The following COL28A1 variants were observed in gnomAD, a reference collection of about 807,000 sequenced individuals.
The protein encoded by COL28A1 is collagen type XXVIII alpha 1 chain.
In COL28A1, 161 loss-of-function variants were observed where a neutral mutation model predicts 150.2. That is an observed-to-expected ratio of 1.07 (90% CI 0.94 to 1.22). The LOEUF (loss-of-function observed/expected upper bound fraction) is 1.22, where lower values mean the gene tolerates loss of function less well. Ranked by LOEUF, COL28A1 falls within the 50% of genes most tolerant of loss-of-function variation. The probability of loss-of-function intolerance (pLI) is 0.00; values close to 1 mark genes in which losing one functional copy is unlikely to be tolerated. For synonymous variants in COL28A1, 552 were observed against 469.7 expected, an observed-to-expected ratio of 1.18 and a Z score of -2.26; for missense variants, 1,617 against 1,388.3, an observed-to-expected ratio of 1.16 and a Z score of -2.62.
At chr7:7,502,212 T>C (rs1301851921) in intron 11 of COL28A1, among the ~76,000 whole-genome samples, 1 of 152,192 alleles carries the variant, frequency 6.6e-6, no homozygotes, top group South Asian at 2.1e-4. Flanking sequence ...GATGTTCTTA[T>C]GAATGCCACA....
intron 23 of COL28A1, among the ~76,000 whole-genome samples, chr7:7,433,364 G>A (rs541539959): frequency 3.9e-5 from 6 of 152,184 alleles, no homozygotes; most frequent in African/African-American, 9.6e-5. Context: ...GGCCGGGTGC[G>A]GTGGCTCACG....
At chr7:7,407,172 A>G (rs574748786) in intron 27 of COL28A1, among the ~76,000 whole-genome samples, 14 of 152,022 alleles carry the variant, frequency 9.2e-5, no homozygotes, top group Admixed American at 1.3e-4. Flanking sequence ...TATAAAAAAG[A>G]TATGTATAGA....
At position 7,443,660 on chromosome 7, in the gene COL28A1, A is replaced by T; in HGVS notation, c.1582-7T>A. On this transcript the variant is annotated splice_region_variant and splice_polypyrimidine_tract_variant and intron_variant, in intron 19 of 34. Transcript: ENST00000399429. ...CCGGAAGCCCCGCTTCTCCCTAGAGAAAATGACACTGATGTGTTAGCTGAC... is the reference window on the plus strand; with the variant it reads ...CCGGAAGCCCCGCTTCTCCCTAGAGTAAATGACACTGATGTGTTAGCTGAC... 1 of 1,613,996 alleles carries T rather than the reference A, an allele frequency of 6.2e-7. No individual in the cohort carries two copies. The highest frequency in any genetic ancestry group is 1.6e-4 in the Middle Eastern group (1 of 6,062).
chr7:7,515,926 A>T, intron 7 of COL28A1, 86 bp from the exon 8 acceptor site: 1 of 756,542 alleles, frequency 1.3e-6, no homozygotes. Context: ...ATTACAAGGT[A>T]TAACAAAAAC....
intron 27 of COL28A1, among the ~76,000 whole-genome samples, chr7:7,410,626 G>A (rs73674531): frequency 0.015 from 2,202 of 149,152 alleles, 51 homozygotes; most frequent in African/African-American, 0.052. Context: ...CTACTACCAA[G>A]ATTGGTTTTG....
chr7:7,522,934 C>T (rs1781817355), intron 4 of COL28A1, among the ~76,000 whole-genome samples: 1 of 151,176 alleles, frequency 6.6e-6, no homozygotes, highest in African/African-American at 2.4e-5. Flanking sequence ...CTGTGGGCCG[C>T]GAGTTGGACA....
chr7:7,488,730 T>G (rs1779756950), intron 13 of COL28A1, among the ~76,000 whole-genome samples: 1 of 152,190 alleles, frequency 6.6e-6, no homozygotes, highest in Non-Finnish European at 1.5e-5. Context: ...ATGAGCCAAG[T>G]CCTTATTCTC....
intron 4 of COL28A1, among the ~76,000 whole-genome samples, chr7:7,523,716 C>G (rs1781869550): frequency 6.6e-6 from 1 of 152,150 alleles, no homozygotes; most frequent in Non-Finnish European, 1.5e-5. Context: ...CTCGTCCAAT[C>G]TTATTGGCCA....
intron 15 of COL28A1, among the ~76,000 whole-genome samples, chr7:7,461,592 G>A (rs74296247): frequency 1.3e-5 from 2 of 152,230 alleles, no homozygotes; most frequent in East Asian, 3.9e-4. Context: ...CTGGAGCTAG[G>A]TTAGGACTAT....
chr7:7,437,426 C>T lies in COL28A1; in HGVS notation c.1759G>A (p.Gly587Arg), dbSNP rs1242418810. Reference protein sequence around the residue: ...PGIMGPFGMPGTSIPGPPGPK... With the variant: ...PGIMGPFGMPRTSIPGPPGPK... ...CCAGGTGGTCCAGGAATTGATGTTC[C>T]AGGCATTCCAAAAGGGCCCATAATG... The change falls in exon 22 of 35, where the codon GGA becomes AGA. Residue 587 changes from glycine to arginine, a missense_variant. Gly to Arg is a moderately radical substitution (Grantham distance 125). Transcript: ENST00000399429. The T allele has an allele frequency of 1.2e-6, 2 of 1,613,362 alleles. No homozygotes were observed. Among genetic ancestry groups the T allele is most frequent in the Non-Finnish European group, 1.7e-6 (2 of 1,179,842 alleles).
In COL28A1 at chr7:7,375,459, A is replaced by T; in HGVS notation, c.2359+2T>A. 8 of 1,576,514 alleles carry T rather than the reference A, an allele frequency of 5.1e-6. No individual in the cohort carries two copies. The highest frequency in any genetic ancestry group is 6.1e-6 in the Non-Finnish European group (7 of 1,153,468). ...GATGTTTTTTCCTTGATCAAATCTTACCACATATTTCTGTAATAAGTTTGA... is the reference window on the plus strand; with the variant it reads ...GATGTTTTTTCCTTGATCAAATCTTTCCACATATTTCTGTAATAAGTTTGA... On this transcript the variant is annotated splice_donor_variant, in intron 31 of 34. Transcript: ENST00000399429. LOFTEE classifies it high-confidence loss of function.
chr7:7,355,078 T>G (rs1205012187), downstream of COL28A1, among the ~76,000 whole-genome samples: 1 of 152,140 alleles, frequency 6.6e-6, no homozygotes, highest in Non-Finnish European at 1.5e-5. Context: ...TAAATTGGAC[T>G]GCATTAAAAT....
chr7:7,414,162 A>G (rs1412623782), intron 27 of COL28A1, among the ~76,000 whole-genome samples: 1 of 152,184 alleles, frequency 6.6e-6, no homozygotes. Flanking sequence ...CTGGCCTCAC[A>G]ATGGCTACTT....
intron 33 of COL28A1, among the ~76,000 whole-genome samples, chr7:7,370,454 T>G (rs527797557): frequency 6.6e-6 from 1 of 152,316 alleles, no homozygotes; most frequent in South Asian, 2.1e-4. Flanking sequence ...ACATGGTTAC[T>G]TTGATGGTAA....
chr7:7,438,324 A>T (rs1047883640), intron 21 of COL28A1, among the ~76,000 whole-genome samples: 11 of 152,112 alleles, frequency 7.2e-5, no homozygotes, highest in African/African-American at 2.7e-4. Flanking sequence ...AGTGGGGGAG[A>T]TGTCTAATAT....
intron 25 of COL28A1, among the ~76,000 whole-genome samples, chr7:7,422,547 T>C (rs112949222): frequency 0.016 from 2,487 of 152,052 alleles, 51 homozygotes; most frequent in Non-Finnish European, 0.017. Flanking sequence ...GAGAATCACT[T>C]GAACCCGGGA....
At chr7:7,408,853 C>A (rs553270489) in intron 27 of COL28A1, among the ~76,000 whole-genome samples, 121 of 152,240 alleles carry the variant, frequency 7.9e-4, no homozygotes, top group Middle Eastern at 3.4e-3. Flanking sequence ...TTTCAAGATG[C>A]AAATTAAAAT....
intron 33 of COL28A1, among the ~76,000 whole-genome samples, chr7:7,369,630 G>C (rs983512724): frequency 3.3e-5 from 5 of 152,292 alleles, no homozygotes; most frequent in Non-Finnish European, 5.9e-5. Flanking sequence ...TATGTTAGAG[G>C]CCTTTCTGCA....
chr7:7,520,218 T>A (rs1781643967), intron 5 of COL28A1, 103 bp from the exon 6 acceptor site: 1 of 596,542 alleles, frequency 1.7e-6, no homozygotes, highest in Non-Finnish European at 2.9e-6. Context: ...TGAGGGAGAA[T>A]TGTAAAACCT....
Sources: allele counts gnomAD v4.1 joint callset (sites outside exome capture counted in the v4.1 genomes callset), GRCh38; gene constraint gnomAD v4.1.1; transcripts MANE v1.5; gene names NCBI Gene and HGNC (gene_info 2026-07-23, HGNC 2026-07-21).